Variants in SYN3 observed in about 807,000 individuals in gnomAD.
SYN3 encodes synapsin-3.
Under a neutral mutation model 65.8 loss-of-function variants are expected in SYN3, and 35 were observed. The observed-to-expected ratio is 0.53, with a 90% CI of 0.41 to 0.70. The LOEUF (loss-of-function observed/expected upper bound fraction) is 0.70, where lower values mean the gene tolerates loss of function less well. SYN3 is among the 30% of genes least tolerant of loss of function. The pLI, the probability that SYN3 is intolerant of heterozygous loss-of-function variation, is 0.00. For missense variants in SYN3, 680 were observed against 749.0 expected, an observed-to-expected ratio of 0.91 and a Z score of 1.08; for synonymous variants, 270 against 292.9, an observed-to-expected ratio of 0.92 and a Z score of 0.80.
At chr22:33,031,096 G>GC (rs1367822196) in intron 1 of SYN3, among the ~76,000 whole-genome samples, 1 of 152,204 alleles carries the variant, frequency 6.6e-6, no homozygotes, top group Non-Finnish European at 1.5e-5. Flanking sequence ...ACCTTCAGTT[G>GC]CCCACGGCCC....
chr22:32,627,756 G>A (rs1352433195), intron 6 of SYN3, among the ~76,000 whole-genome samples: 1 of 152,150 alleles, frequency 6.6e-6, no homozygotes, highest in African/African-American at 2.4e-5. Flanking sequence ...ATGCAGGCTT[G>A]TGTACACACC....
At chr22:32,842,770 A>C (rs1367547497) in intron 6 of SYN3, among the ~76,000 whole-genome samples, 1 of 152,210 alleles carries the variant, frequency 6.6e-6, no homozygotes, top group African/African-American at 2.4e-5. Context: ...CGGGGAGCAC[A>C]AAGGTCTAAA....
At position 32,649,032 on chromosome 22, in the gene SYN3, A is replaced by C. The variant is rs145462106; in HGVS notation, c.712-52296T>G. Among the ~76,000 whole-genome samples the C allele has an allele frequency of 1.1e-4, 16 of 152,258 alleles. No individual in the cohort carries two copies. In the East Asian group the frequency reaches 3.1e-3, roughly 29 times the overall value. ...TACAGTTGATTGTATCATCGTTCCTAATTCTTCACCCCTCTCTGTATCAAT... is the reference window on the plus strand; with the variant it reads ...TACAGTTGATTGTATCATCGTTCCTCATTCTTCACCCCTCTCTGTATCAAT... On this transcript the variant is annotated intron_variant, in intron 6 of 13. Transcript: ENST00000358763.
chr22:33,038,522 A>T (rs115424158), intron 1 of SYN3, among the ~76,000 whole-genome samples: 3,149 of 152,202 alleles, frequency 0.021, 114 homozygotes, highest in African/African-American at 0.071. Context: ...CAGGGTCCAG[A>T]CCTGCTTAGG....
At chr22:33,038,893 CG>C (rs1405774220) in intron 1 of SYN3, among the ~76,000 whole-genome samples, 13 of 152,188 alleles carry the variant, frequency 8.5e-5, no homozygotes, top group African/African-American at 3.1e-4. Flanking sequence ...GCGGAAGCCC[CG>C]GGGCTGTTCT....
At chr22:32,997,553 A>G (rs942070187) in intron 2 of SYN3, among the ~76,000 whole-genome samples, 2 of 152,100 alleles carry the variant, frequency 1.3e-5, no homozygotes, top group Non-Finnish European at 2.9e-5. Flanking sequence ...CCTCACCTTT[A>G]AATGAGCTGA....
chr22:32,529,730 G>T (rs999147306), intron 10 of SYN3, among the ~76,000 whole-genome samples: 1 of 152,166 alleles, frequency 6.6e-6, no homozygotes. Flanking sequence ...GATCTGGAAG[G>T]GGTGTCTGTC....
intron 1 of SYN3, among the ~76,000 whole-genome samples, chr22:33,043,013 A>G (rs184189823): frequency 1.1e-4 from 16 of 152,326 alleles, no homozygotes; most frequent in African/African-American, 3.4e-4. Flanking sequence ...TATTAACCAG[A>G]CAAGAAGGAA....
intron 4 of SYN3, among the ~76,000 whole-genome samples, chr22:32,878,215 G>C (rs1327282102): frequency 6.6e-6 from 1 of 152,130 alleles, no homozygotes; most frequent in Admixed American, 6.5e-5. Context: ...CCCCCAAAGT[G>C]GATCTGAGGA....
In SYN3 at chr22:32,814,133, TGTGTGTGTGAGAGAGA is replaced by T. The variant is rs1246799845; in HGVS notation, c.711+50766_711+50781del. The stretch of plus-strand genomic sequence containing the variant: ...GTGTGTGTGTGTGTGTGTGTGTGTG[TGTGTGTGTGAGAGAGA>T]GAGAGAGAGAGAGAGAGAAAGAGAA... On this transcript the variant is annotated intron_variant, in intron 6 of 13. Coordinates refer to ENST00000358763, the MANE Select transcript of SYN3 (RefSeq NM_003490.4). Among the ~76,000 whole-genome samples the T allele has an allele frequency of 9.1e-3, 685 of 75,644 alleles. 8 individuals carry two copies. The highest frequency in any genetic ancestry group is 0.025 in the African/African-American group (588 of 23,888). 49.6% of individuals were successfully genotyped at this position (75,644 alleles called of 152,430 possible).
intron 7 of SYN3, among the ~76,000 whole-genome samples, chr22:32,594,853 A>G (rs945189718): frequency 6.6e-6 from 1 of 152,182 alleles, no homozygotes; most frequent in African/African-American, 2.4e-5. Flanking sequence ...ATAACAGGGT[A>G]GGGAAAACTA....
chr22:32,558,728 T>C (rs1438055119), intron 7 of SYN3, among the ~76,000 whole-genome samples: 1 of 152,254 alleles, frequency 6.6e-6, no homozygotes, highest in Non-Finnish European at 1.5e-5. Context: ...AGCCAAACTC[T>C]ATTGCCAAGG....
intron 1 of SYN3, among the ~76,000 whole-genome samples, chr22:33,036,968 G>C (rs1445655365): frequency 6.6e-6 from 1 of 152,106 alleles, no homozygotes; most frequent in Non-Finnish European, 1.5e-5. Context: ...TGGGATTATA[G>C]GCGTGAGCCA....
At chr22:32,880,527 C>T (rs1372101419) in intron 4 of SYN3, among the ~76,000 whole-genome samples, 4 of 152,086 alleles carry the variant, frequency 2.6e-5, no homozygotes, top group African/African-American at 9.7e-5. Flanking sequence ...GTCACTGACC[C>T]CCTGGTGGGT....
chr22:32,611,284 G>GTTTTTTTTTTTTTTT (rs1201383074), intron 6 of SYN3, among the ~76,000 whole-genome samples: 2 of 94,550 alleles, frequency 2.1e-5, no homozygotes, highest in Admixed American at 1.4e-4. Context: ...TTTTTTTTTT[G>GTTTTTTTTTTTTTTT]TTTTTTTTTT....
chr22:32,537,115 G>A (rs1306393765), intron 9 of SYN3, among the ~76,000 whole-genome samples: 1 of 152,046 alleles, frequency 6.6e-6, no homozygotes, highest in African/African-American at 2.4e-5. Flanking sequence ...AAGAAGGTAT[G>A]TATGTGGCAG....
intron 3 of SYN3, among the ~76,000 whole-genome samples, chr22:32,960,704 G>C (rs2051621025): frequency 6.6e-6 from 1 of 152,150 alleles, no homozygotes; most frequent in South Asian, 2.1e-4. Flanking sequence ...GCCTCTGCTG[G>C]GTTGCCGGGT....
At chr22:32,569,405 ATCTATCTATCTATCTATCT>A (rs1569047754) in intron 7 of SYN3, among the ~76,000 whole-genome samples, 1 of 68,722 alleles carries the variant, frequency 1.5e-5, no homozygotes, top group African/African-American at 7.7e-5. Context: ...TCCAAAATCT[ATCTATCTATCTATCTATCT>A]ATCTATCTAT....
chr22:32,877,126 G>A (rs2049005436), intron 4 of SYN3, among the ~76,000 whole-genome samples: 1 of 152,184 alleles, frequency 6.6e-6, no homozygotes, highest in Non-Finnish European at 1.5e-5. Flanking sequence ...TCTGCTCCTG[G>A]CTGTTAGTCC....
Sources: allele counts gnomAD v4.1 joint callset (sites outside exome capture counted in the v4.1 genomes callset), GRCh38; gene constraint gnomAD v4.1.1; transcripts MANE v1.5; gene names NCBI Gene and HGNC (gene_info 2026-07-23, HGNC 2026-07-21).